The following ZRANB3 variants were observed in gnomAD, a reference collection of about 807,000 sequenced individuals.
ZRANB3 encodes DNA annealing helicase and endonuclease ZRANB3.
Under a neutral mutation model 133.8 loss-of-function variants are expected in ZRANB3, and 125 were observed. That is an observed-to-expected ratio of 0.93 (90% CI 0.81 to 1.08). The LOEUF (loss-of-function observed/expected upper bound fraction) is 1.08. Among genes scored for constraint, ZRANB3 ranks in the 50% least tolerant of loss-of-function variants. The probability of loss-of-function intolerance (pLI) is 0.00; values close to 1 mark genes in which losing one functional copy is unlikely to be tolerated. For missense variants in ZRANB3, 1,229 were observed against 1,275.5 expected (o/e 0.96, Z 0.56); for synonymous variants, 387 against 432.7 (o/e 0.89, Z 1.31).
intron 2 of ZRANB3, among the ~76,000 whole-genome samples, chr2:135,394,313 C>T (rs1687379141): frequency 6.6e-6 from 1 of 152,054 alleles, no homozygotes; most frequent in Admixed American, 6.6e-5. Context: ...ATAAAAACAC[C>T]TTAACATAGA....
intron 1 of ZRANB3, chr2:135,510,561 A>T: frequency 1.5e-6 from 1 of 686,186 alleles, no homozygotes; most frequent in Admixed American, 2.3e-5. Context: ...GCCATGGAGC[A>T]AGCCTTCTTC....
intron 3 of ZRANB3, among the ~76,000 whole-genome samples, chr2:135,388,220 C>T (rs906432537): frequency 9.9e-5 from 15 of 152,154 alleles, no homozygotes; most frequent in African/African-American, 3.4e-4. Context: ...ATCATGAGAA[C>T]AGCATGGGAG....
At chr2:135,415,725 C>T (rs1370265308) in intron 2 of ZRANB3, among the ~76,000 whole-genome samples, 6 of 151,838 alleles carry the variant, frequency 4.0e-5, no homozygotes, top group Admixed American at 2.0e-4. Flanking sequence ...ACTGGCAAAC[C>T]GAATCCAGCA....
intron 2 of ZRANB3, among the ~76,000 whole-genome samples, chr2:135,434,993 T>C (rs972837244): frequency 6.6e-6 from 1 of 152,120 alleles, no homozygotes; most frequent in East Asian, 1.9e-4. Context: ...ACTTTTTTTT[T>C]AAATTTGTAC....
intron 1 of ZRANB3, chr2:135,511,984 G>C: frequency 1.4e-6 from 1 of 692,452 alleles, no homozygotes; most frequent in African/African-American, 1.8e-5. Flanking sequence ...AGTCAAATAT[G>C]TCCAAACCTG....
intron 2 of ZRANB3, among the ~76,000 whole-genome samples, chr2:135,402,446 C>T (rs906614660): frequency 6.6e-6 from 1 of 151,952 alleles, no homozygotes; most frequent in African/African-American, 2.4e-5. Context: ...AGGAGCCCAC[C>T]ACCACGTCCG....
intron 2 of ZRANB3, among the ~76,000 whole-genome samples, chr2:135,438,526 T>A (rs1455286168): frequency 2.7e-5 from 4 of 146,342 alleles, no homozygotes; most frequent in African/African-American, 7.6e-5. Flanking sequence ...AAAAAAAAAA[T>A]TGTTAATTGT....
At chr2:135,306,865 C>G (rs1682732406) in intron 8 of ZRANB3, among the ~76,000 whole-genome samples, 1 of 152,038 alleles carries the variant, frequency 6.6e-6, no homozygotes, top group Non-Finnish European at 1.5e-5. Flanking sequence ...GCTGGCGTTA[C>G]AGGCATCAGC....
At chr2:135,384,184 T>C (rs772559824) in intron 3 of ZRANB3, among the ~76,000 whole-genome samples, 2 of 152,122 alleles carry the variant, frequency 1.3e-5, no homozygotes, top group Non-Finnish European at 2.9e-5. Context: ...TCCACAGAAA[T>C]GCAAATTACC....
At chr2:135,216,283 T>C (rs1218716566) in intron 17 of ZRANB3, among the ~76,000 whole-genome samples, 2 of 152,272 alleles carry the variant, frequency 1.3e-5, no homozygotes, top group East Asian at 3.9e-4. Context: ...CCTGGATTTT[T>C]TTCACCTGTG....
intron 6 of ZRANB3, among the ~76,000 whole-genome samples, chr2:135,336,370 C>T (rs540000514): frequency 6.6e-6 from 1 of 152,254 alleles, no homozygotes; most frequent in South Asian, 2.1e-4. Flanking sequence ...GGGTCTAGAA[C>T]TGAATAACTA....
At chr2:135,404,445 A>T (rs534433385) in intron 2 of ZRANB3, among the ~76,000 whole-genome samples, 3 of 152,332 alleles carry the variant, frequency 2.0e-5, no homozygotes, top group Non-Finnish European at 4.4e-5. Context: ...GAAATATGGG[A>T]CTATGTGAAA....
intron 12 of ZRANB3, among the ~76,000 whole-genome samples, chr2:135,236,768 C>T (rs545304063): frequency 6.6e-6 from 1 of 152,260 alleles, no homozygotes; most frequent in East Asian, 1.9e-4. Flanking sequence ...CCCTTCCTTA[C>T]ACCTTATACA....
chr2:135,259,015 T>G (rs1452876341), intron 12 of ZRANB3, among the ~76,000 whole-genome samples: 1 of 152,162 alleles, frequency 6.6e-6, no homozygotes, highest in African/African-American at 2.4e-5. Context: ...CGTGTTTTCT[T>G]TTTGAATTTT....
chr2:135,207,140 G>A (rs1271550052), intron 19 of ZRANB3, among the ~76,000 whole-genome samples: 1 of 151,742 alleles, frequency 6.6e-6, no homozygotes, highest in African/African-American at 2.4e-5. Context: ...ACTCCAGCCT[G>A]GGTGACAAGG....
intron 2 of ZRANB3, 130 bp from the exon 3 acceptor site, chr2:135,390,950 T>C: frequency 3.2e-6 from 3 of 939,334 alleles, no homozygotes; most frequent in Non-Finnish European, 4.5e-6. Context: ...AACCTCTGTC[T>C]CCCAGGTCCA....
chr2:135,262,159 C>CAAAAAAAAAAAAAAAAAAA, intron 12 of ZRANB3, among the ~76,000 whole-genome samples: 1 of 63,968 alleles, frequency 1.6e-5, no homozygotes, highest in Non-Finnish European at 3.5e-5. Flanking sequence ...ACTCCATCTC[C>CAAAAAAAAAAAAAAAAAAA]AAAAAAAAAA....
chr2:135,277,794 A>G (rs1680910771), intron 8 of ZRANB3, among the ~76,000 whole-genome samples: 1 of 151,896 alleles, frequency 6.6e-6, no homozygotes, highest in Admixed American at 6.6e-5. Flanking sequence ...GTGTGGTAGC[A>G]CGTGCCTGTA....
chr2:135,350,576 A>G (rs1685161444), intron 4 of ZRANB3, among the ~76,000 whole-genome samples: 1 of 152,230 alleles, frequency 6.6e-6, no homozygotes, highest in Admixed American at 6.5e-5. Context: ...TCACACAAAT[A>G]GGATAGCAGT....
Sources: allele counts gnomAD v4.1 joint callset (sites outside exome capture counted in the v4.1 genomes callset), GRCh38; gene constraint gnomAD v4.1.1; transcripts MANE v1.5; gene names NCBI Gene and HGNC (gene_info 2026-07-23, HGNC 2026-07-21).